RPAP3: variants seen among roughly 807,000 people sequenced by gnomAD.
The protein encoded by RPAP3 is RNA polymerase II-associated protein 3.
In RPAP3, 58 loss-of-function variants were observed where a neutral mutation model predicts 88.8. That is an observed-to-expected ratio of 0.65 (90% CI 0.53 to 0.81). The LOEUF (loss-of-function observed/expected upper bound fraction) is 0.81. Ranked by LOEUF, RPAP3 falls within the 40% of genes least tolerant of loss-of-function variation. RPAP3 has a pLI of 0.00. For missense variants in RPAP3, 751 were observed against 764.3 expected, an observed-to-expected ratio of 0.98 and a Z score of 0.20; for synonymous variants, 255 against 259.9, an observed-to-expected ratio of 0.98 and a Z score of 0.18.
intron 15 of RPAP3, 115 bp from the exon 16 acceptor site, chr12:47,667,195 CT>C: frequency 2.5e-6 from 1 of 395,840 alleles, no homozygotes; most frequent in Non-Finnish European, 4.4e-6. Flanking sequence ...ATTTTTTCCC[CT>C]GGATACCTGT....
chr12:47,700,279 A>C (rs1939631100), intron 3 of RPAP3: 1 of 152,192 alleles, frequency 6.6e-6, no homozygotes, highest in Non-Finnish European at 1.5e-5. Context: ...CAGAGAAATC[A>C]GACAGTGGTT....
In RPAP3 at chr12:47,667,827, T is replaced by C; in HGVS notation, c.1738A>G (p.Lys580Glu). ...GGATCCAGATTTTTCTGAAACAACT[T>C]AGGATACAAAGATGGTTCAATTTGC... ...LKQIEPSLYP[K>E]LFQKNLDPDV... is the part of the protein sequence containing the mutation. Residue 580 changes from lysine (K) to glutamate (E), a missense_variant, in exon 15 of 17, where the codon AAG becomes GAG. By Grantham distance (56) the Lys-to-Glu change is moderately conservative. Coordinates refer to ENST00000005386, the MANE Select transcript of RPAP3 (RefSeq NM_024604.3). 1 of 1,604,892 alleles carries C rather than the reference T, an allele frequency of 6.2e-7. No homozygotes were observed.
chr12:47,676,770 G>A (rs1167668918), intron 12 of RPAP3, among the ~76,000 whole-genome samples: 1 of 152,080 alleles, frequency 6.6e-6, no homozygotes, highest in Non-Finnish European at 1.5e-5. Flanking sequence ...ACCAAAACAA[G>A]TCCAGGACCA....
In RPAP3 at chr12:47,670,153, C is replaced by T. The variant is rs1938965254; in HGVS notation, c.1480G>A (p.Ala494Thr). ...ACTTCTTCTATTTTCAATACTTTTG[C>T]TCTTGGAGTATCACTTGTGGGAAAA... The part of the protein sequence containing the change: ...DLFPTSDTPR[A>T]KVLKIEEVSD... The change falls in exon 13 of 17, where the codon GCA becomes ACA. Residue 494 changes from alanine (A) to threonine (T), a missense_variant. Ala to Thr is a moderately conservative substitution (Grantham distance 58). Transcript: ENST00000005386. 6 of 1,613,476 alleles carry T rather than the reference C, an allele frequency of 3.7e-6. No individual in the cohort carries two copies. The highest frequency in any genetic ancestry group is 5.1e-6 in the Non-Finnish European group (6 of 1,179,482).
chr12:47,675,283 C>T (rs1349325848), intron 12 of RPAP3, among the ~76,000 whole-genome samples: 1 of 152,190 alleles, frequency 6.6e-6, no homozygotes, highest in Admixed American at 6.5e-5. Flanking sequence ...GTACCAGCCA[C>T]TGCAAAAACA....
rs551301038 is a variant in RPAP3, at chr12:47,670,333, T to C, written c.1300A>G (p.Lys434Glu). 1.1e-5 allele frequency: 18 copies of C among 1,581,680 alleles called. No homozygotes were observed. In the African/African-American group the frequency reaches 2.0e-4, roughly 18 times the overall value. ...TTACCAGTTTCTTCAATAATAACCT[T>C]CTTGAGTGGTTTCTAAAACAATTAA... is the stretch of plus-strand genomic sequence containing the variant. ...PHPGSTKPLK[K>E]VIIEETGNLI... The change falls in exon 13 of 17, where the codon AAG becomes GAG. Residue 434 changes from lysine (K) to glutamate (E), a missense_variant. By Grantham distance (56) the Lys-to-Glu change is moderately conservative (BLOSUM62 1). Transcript: ENST00000005386.
intron 12 of RPAP3, among the ~76,000 whole-genome samples, chr12:47,670,832 A>C (rs542665817): frequency 6.1e-4 from 93 of 152,254 alleles, no homozygotes; most frequent in African/African-American, 2.1e-3. Flanking sequence ...AGGAGTCTGG[A>C]CTCTATTCTA....
Position 47,667,966 on chromosome 12 carries a change from G to A in RPAP3, c.1714-115C>T, listed in dbSNP as rs767462373. 4.6e-4 allele frequency: 284 copies of A among 618,964 alleles called. 1 individual carries two copies. Among genetic ancestry groups the A allele is most frequent in the Non-Finnish European group, 7.2e-4 (260 of 360,770 alleles). 38.3% of individuals were successfully genotyped at this position (618,964 alleles called of 1,614,324 possible). A position where few individuals can be genotyped will look rare whatever the true frequency, so the allele number is the denominator to read the frequency against. ...AATAACTACTTTGGGAGGCCAAGGT[G>A]GGAGGATCACCTGAGGTTGGGAGTT... On this transcript the variant is annotated intron_variant, in intron 14 of 16. Transcript: ENST00000005386.
At chr12:47,664,788 C>T (rs1938833569) in intron 16 of RPAP3, 1 of 152,346 alleles carries the variant, frequency 6.6e-6, no homozygotes, top group Non-Finnish European at 1.5e-5. Context: ...TATGCGCTAG[C>T]ACTGAGGCCC....
chr12:47,668,693 G>A (rs574064133), intron 14 of RPAP3, among the ~76,000 whole-genome samples: 25 of 152,210 alleles, frequency 1.6e-4, no homozygotes, highest in Admixed American at 3.9e-4. Context: ...ATTAGATTAC[G>A]TTATTTGAGA....
intron 8 of RPAP3, among the ~76,000 whole-genome samples, chr12:47,687,597 T>C (rs1405826289): frequency 6.6e-6 from 1 of 152,180 alleles, no homozygotes; most frequent in African/African-American, 2.4e-5. Flanking sequence ...TTAACTTCTA[T>C]GTTAAATTTA....
Position 47,681,727 on chromosome 12 carries a change from T to A in RPAP3, c.1083A>T (p.Thr361=). The A allele has an allele frequency of 6.2e-7, 1 of 1,612,684 alleles. No homozygotes were observed. The highest frequency in any genetic ancestry group is 2.2e-5 in the East Asian group (1 of 44,814). ...TTGCCTCATTTAGCTTTCCCAAAAA[T>A]GTTCTTGCAGTTCCTCTTCTGGCAA... ...KAFARRGTAR[T]FLGKLNEAKQ... is the part of the protein sequence containing the mutation. The change falls in exon 10 of 17, where the codon ACA becomes ACT. Residue 361 remains threonine, a synonymous_variant. Coordinates refer to ENST00000005386, the MANE Select transcript of RPAP3 (RefSeq NM_024604.3).
At chr12:47,695,050 T>C (rs924613749) in intron 5 of RPAP3, among the ~76,000 whole-genome samples, 2 of 151,570 alleles carry the variant, frequency 1.3e-5, no homozygotes, top group Non-Finnish European at 2.9e-5. Context: ...AAAATGTTCA[T>C]AGCATTGCTG....
intron 10 of RPAP3, 33 bp downstream of exon 10, chr12:47,681,663 G>A (rs1311912506): frequency 1.9e-6 from 3 of 1,604,326 alleles, no homozygotes; most frequent in African/African-American, 2.7e-5. Flanking sequence ...CACTCATCAG[G>A]ATGACTGAGT....
At chr12:47,678,904 T>C (rs1200906532) in intron 12 of RPAP3, among the ~76,000 whole-genome samples, 6 of 152,218 alleles carry the variant, frequency 3.9e-5, no homozygotes, top group South Asian at 4.1e-4. Flanking sequence ...ACTGGGTATA[T>C]ATCCAAAGGA....
At chr12:47,666,952 A>T in intron 16 of RPAP3, 28 bp downstream of exon 16, 1 of 1,232,312 alleles carries the variant, frequency 8.1e-7, no homozygotes, top group Non-Finnish European at 1.1e-6. Context: ...TACAAAAATA[A>T]ACATGGGAAA....
rs1338560732 is a variant in RPAP3 at position 47,681,665 on chromosome 12, T to A, written c.1114+31A>T. On this transcript the variant is annotated intron_variant, in intron 10 of 16. Transcript: ENST00000005386. ...TCTTTAACTTGGGCACTCATCAGGA[T>A]GACTGAGTGCCAGCTGTTATAAAGT... The A allele has an allele frequency of 3.7e-6, 6 of 1,605,534 alleles. No homozygotes were observed. The South Asian group carries it at 5.6e-5, about 15-fold the overall frequency.
At chr12:47,683,548 T>C (rs1939267689) in intron 9 of RPAP3, among the ~76,000 whole-genome samples, 1 of 152,198 alleles carries the variant, frequency 6.6e-6, no homozygotes, top group South Asian at 2.1e-4. Context: ...AACCCAACAA[T>C]TTTTCTAAAA....
chr12:47,684,215 G>A (rs973400144), intron 9 of RPAP3, among the ~76,000 whole-genome samples: 4 of 152,126 alleles, frequency 2.6e-5, no homozygotes, highest in African/African-American at 9.7e-5. Flanking sequence ...GTAACTCAAG[G>A]ATGTCTTGCT....
Sources: allele counts gnomAD v4.1 joint callset (sites outside exome capture counted in the v4.1 genomes callset), GRCh38; gene constraint gnomAD v4.1.1; transcripts MANE v1.5; gene names NCBI Gene and HGNC (gene_info 2026-07-23, HGNC 2026-07-21).